NR3C1: variants seen among roughly 807,000 people sequenced by gnomAD.
NR3C1 encodes the protein nuclear receptor subfamily 3 group C member 1.
A neutral mutation model predicts 74.0 loss-of-function variants in NR3C1; 14 were observed. That is an observed-to-expected ratio of 0.19 (90% confidence interval 0.12 to 0.30). The LOEUF (loss-of-function observed/expected upper bound fraction) is 0.30, where lower values mean the gene tolerates loss of function less well. NR3C1 is among the 10% of genes least tolerant of loss of function. The pLI is 1.00. For synonymous variants in NR3C1, 308 were observed against 332.5 expected, an observed-to-expected ratio of 0.93 and a Z score of 0.80; for missense variants, 695 against 909.8, an observed-to-expected ratio of 0.76 and a Z score of 3.04.
chr5:143,302,503 T>G (rs1419255168), intron 4 of NR3C1, among the ~76,000 whole-genome samples: 1 of 152,090 alleles, frequency 6.6e-6, no homozygotes, highest in African/African-American at 2.4e-5. Context: ...AACAGTACTT[T>G]GACAGCCTCA....
chr5:143,403,960 T>TGGC, upstream of NR3C1: 1 of 984,276 alleles, frequency 1.0e-6, no homozygotes, highest in Non-Finnish European at 1.2e-6. Flanking sequence ...GGAAAAAGGG[T>TGGC]GGCGGCGGCA....
chr5:143,282,105 G>T, intron 8 of NR3C1, 64 bp from the exon 9 acceptor site: 1 of 1,576,940 alleles, frequency 6.3e-7, no homozygotes, highest in Non-Finnish European at 8.7e-7. Flanking sequence ...TCTCATGTTT[G>T]TTGTCCTCTA....
intron 2 of NR3C1, among the ~76,000 whole-genome samples, chr5:143,366,567 C>A (rs1427332855): frequency 6.7e-6 from 1 of 148,388 alleles, no homozygotes; most frequent in Non-Finnish European, 1.5e-5. Flanking sequence ...TTTAGCTAGA[C>A]TGACCAAGAA....
chr5:143,297,782 C>A (rs970771252), intron 6 of NR3C1, among the ~76,000 whole-genome samples: 1 of 152,118 alleles, frequency 6.6e-6, no homozygotes, highest in Non-Finnish European at 1.5e-5. Flanking sequence ...GACTTCTCTG[C>A]TGTGTATCTG....
At chr5:143,380,161 GC>G (rs1189900548) in intron 2 of NR3C1, among the ~76,000 whole-genome samples, 3 of 152,080 alleles carry the variant, frequency 2.0e-5, no homozygotes, top group Non-Finnish European at 4.4e-5. Flanking sequence ...ATAAAAGAGG[GC>G]CCCGATATGC....
chr5:143,329,637 C>T (rs1407781084), intron 2 of NR3C1, among the ~76,000 whole-genome samples: 1 of 152,014 alleles, frequency 6.6e-6, no homozygotes, highest in Non-Finnish European at 1.5e-5. Context: ...TAAATTAGAA[C>T]AATATTATAA....
chr5:143,402,723 C>T, intron 1 of NR3C1: 1 of 985,430 alleles, frequency 1.0e-6, no homozygotes, highest in Non-Finnish European at 1.2e-6. Flanking sequence ...GCACGCCCTC[C>T]TCAAGCCAGG....
chr5:143,314,914 ACT>A (rs1318673189), intron 2 of NR3C1, among the ~76,000 whole-genome samples: 1 of 152,058 alleles, frequency 6.6e-6, no homozygotes, highest in African/African-American at 2.4e-5. Flanking sequence ...TGCCCACTCC[ACT>A]CTATGACTGT....
At chr5:143,311,827 C>T (rs374872848) in intron 3 of NR3C1, among the ~76,000 whole-genome samples, 6 of 138,478 alleles carry the variant, frequency 4.3e-5, no homozygotes, top group Middle Eastern at 3.8e-3. Flanking sequence ...GACGGGGTCT[C>T]GTTATGTTGC....
At chr5:143,332,688 C>T (rs1826235029) in intron 2 of NR3C1, 19 of 1,577,446 alleles carry the variant, frequency 1.2e-5, no homozygotes, top group African/African-American at 2.7e-5. Context: ...GCGGCAGAAA[C>T]GTGACAAGGT....
At chr5:143,382,654 A>C (rs1345447716) in intron 2 of NR3C1, among the ~76,000 whole-genome samples, 1 of 152,196 alleles carries the variant, frequency 6.6e-6, no homozygotes, top group Non-Finnish European at 1.5e-5. Flanking sequence ...ATACCCAGGG[A>C]ATCTGAAGAG....
chr5:143,423,978 C>T (rs559171850), intron 1 of NR3C1, among the ~76,000 whole-genome samples: 17 of 144,060 alleles, frequency 1.2e-4, no homozygotes, highest in South Asian at 4.4e-4. Context: ...GGTGTTTAAC[C>T]GCATATTCTC....
At chr5:143,347,807 A>C (rs1010059405) in intron 2 of NR3C1, among the ~76,000 whole-genome samples, 7 of 152,238 alleles carry the variant, frequency 4.6e-5, no homozygotes, top group African/African-American at 1.7e-4. Flanking sequence ...TGCAACCTTC[A>C]AAAACCAATA....
chr5:143,289,072 CA>C (rs369191318), intron 7 of NR3C1, among the ~76,000 whole-genome samples: 3,890 of 70,524 alleles, frequency 0.055, 98 homozygotes, highest in African/African-American at 0.17. Flanking sequence ...GACTCCATCT[CA>C]AAAAAAAAAA....
intron 2 of NR3C1, among the ~76,000 whole-genome samples, chr5:143,319,980 T>C (rs1263572110): frequency 6.6e-6 from 1 of 152,202 alleles, no homozygotes; most frequent in Non-Finnish European, 1.5e-5. Flanking sequence ...CAGGATTGGC[T>C]TGAGCCAGTA....
intron 2 of NR3C1, among the ~76,000 whole-genome samples, chr5:143,368,880 T>TA (rs1833762673): frequency 6.6e-6 from 1 of 152,150 alleles, no homozygotes; most frequent in Non-Finnish European, 1.5e-5. Flanking sequence ...ATGAAGAACT[T>TA]CTTGCTGCTG....
intron 1 of NR3C1, among the ~76,000 whole-genome samples, chr5:143,428,502 C>T (rs961897373): frequency 3.9e-5 from 6 of 152,210 alleles, no homozygotes; most frequent in Non-Finnish European, 5.9e-5. Context: ...TCTGCCTTTC[C>T]AACCACGTTC....
chr5:143,363,508 G>A (rs181610738), intron 2 of NR3C1, among the ~76,000 whole-genome samples: 1 of 152,178 alleles, frequency 6.6e-6, no homozygotes, highest in Non-Finnish European at 1.5e-5. Context: ...AGGAGGTGGA[G>A]CTTGCAGTGA....
intron 2 of NR3C1, among the ~76,000 whole-genome samples, chr5:143,394,279 C>A (rs1395073903): frequency 1.3e-5 from 2 of 152,006 alleles, no homozygotes; most frequent in Non-Finnish European, 2.9e-5. Flanking sequence ...TCGGGGATAA[C>A]ACACTTTCAT....
Sources: gnomAD v4.1 joint callset for allele counts (sites outside exome capture counted in the v4.1 genomes callset) on GRCh38, gnomAD v4.1.1 for gene constraint, MANE v1.5 for transcripts, NCBI Gene and HGNC (gene_info 2026-07-23, HGNC 2026-07-21) for gene names.